ACADVL: variants seen among roughly 807,000 people sequenced by gnomAD.
ACADVL encodes the protein acyl-CoA dehydrogenase very long chain.
In ACADVL, 73 loss-of-function variants were observed where a neutral mutation model predicts 80.4. That is an observed-to-expected ratio of 0.91 (90% confidence interval 0.75 to 1.10). ACADVL has a LOEUF of 1.10. Ranked by LOEUF, ACADVL falls within the 50% of genes least tolerant of loss-of-function variation. The pLI, the probability that ACADVL is intolerant of heterozygous loss-of-function variation, is 0.00. For synonymous variants in ACADVL, 392 were observed against 326.5 expected (o/e 1.20, Z -2.16); for missense variants, 878 against 858.9 (o/e 1.02, Z -0.28).
upstream of ACADVL, chr17:7,218,784 CCA>C: frequency 6.2e-7 from 1 of 1,612,092 alleles, no homozygotes; most frequent in Non-Finnish European, 8.5e-7. Flanking sequence ...CCCCAGCCCC[CCA>C]CTTCGCTCCC....
upstream of ACADVL, chr17:7,218,262 C>T: frequency 6.2e-7 from 1 of 1,609,836 alleles, no homozygotes; most frequent in South Asian, 1.1e-5. Flanking sequence ...AGAGGGAAGC[C>T]TCATAATAGT....
At chr17:7,224,775 C>A in intron 18 of ACADVL, 34 bp from the exon 19 acceptor site, 1 of 1,613,848 alleles carries the variant, frequency 6.2e-7, no homozygotes, top group Non-Finnish European at 8.5e-7. Flanking sequence ...TCCCAGCCGG[C>A]CCAGATTTAT....
chr17:7,219,782 C>T (rs945354338), upstream of ACADVL: 5 of 1,496,886 alleles, frequency 3.3e-6, no homozygotes, highest in African/African-American at 4.2e-5. Context: ...AGACGAGGGA[C>T]GCTTGGAGAT....
intron 6 of ACADVL, 179 bp downstream of exon 6, chr17:7,221,237 T>C: frequency 8.8e-7 from 1 of 1,134,986 alleles, no homozygotes; most frequent in Non-Finnish European, 1.2e-6. Flanking sequence ...CCCCTAGGCC[T>C]GAGCCATGGG....
At chr17:7,219,354 G>T, upstream of ACADVL, 1 of 985,950 alleles carries the variant, frequency 1.0e-6, no homozygotes, top group Non-Finnish European at 1.2e-6. Flanking sequence ...GTTCAGGAAG[G>T]TCTCAGAGGC....
chr17:7,222,337 A>T, intron 9 of ACADVL, 35 bp downstream of exon 9: 2 of 1,609,228 alleles, frequency 1.2e-6, no homozygotes, highest in Non-Finnish European at 1.7e-6. Flanking sequence ...CTTAGGACTG[A>T]GGGGCAGGAC....
chr17:7,225,210 T>C lies in ACADVL; in HGVS notation c.*113T>C, dbSNP rs1349352012. On this transcript the variant is annotated 3_prime_UTR_variant, in exon 20 of 20. Coordinates refer to ENST00000356839, the MANE Select transcript of ACADVL (RefSeq NM_000018.4). ...AAGGGGCCTAGTGTTCCCAGCACTGTGCCTGCTCTCAAGAGCACTTACTGC... is the reference window on the plus strand; with the variant it reads ...AAGGGGCCTAGTGTTCCCAGCACTGCGCCTGCTCTCAAGAGCACTTACTGC... 1.6e-5 allele frequency: 24 copies of C among 1,461,618 alleles called. No homozygotes were observed. Among genetic ancestry groups the C allele is most frequent in the Non-Finnish European group, 2.3e-5 (24 of 1,055,480 alleles). 90.5% of individuals were successfully genotyped at this position (1,461,618 alleles called of 1,614,324 possible).
Position 7,221,552 on chromosome 17 carries a change from G to A in ACADVL, c.492G>A (p.Val164=). 1 of 1,614,166 alleles carries A rather than the reference G, an allele frequency of 6.2e-7. No individual in the cohort carries two copies. The highest frequency in any genetic ancestry group is 8.5e-7 in the Non-Finnish European group (1 of 1,180,038). The change falls in exon 7 of 20, where the codon GTG becomes GTA. Residue 164 remains valine, a synonymous_variant. Coordinates refer to ENST00000356839, the MANE Select transcript of ACADVL (RefSeq NM_000018.4). Reference sequence around the variant, plus strand: ...TTCCCCTCCAGTACGCCCGTTTGGTGGAGATCGTGGGCATGCATGACCTTG... The same window carrying A: ...TTCCCCTCCAGTACGCCCGTTTGGTAGAGATCGTGGGCATGCATGACCTTG... ...GLCNTQYARL[V]EIVGMHDLGV...
Position 7,224,161 on chromosome 17 carries a change from C to G in ACADVL, c.1450C>G (p.Leu484Val). 6.2e-7 allele frequency: 1 copy of G among 1,614,132 alleles called. No homozygotes were observed. The highest frequency in any genetic ancestry group is 8.5e-7 in the Non-Finnish European group (1 of 1,180,026). ...TCCCCCATAGGACAAAGGAAAGGAGCTCTCTGGGCTTGGCAGTGCTCTAAA... is the reference window on the plus strand; with the variant it reads ...TCCCCCATAGGACAAAGGAAAGGAGGTCTCTGGGCTTGGCAGTGCTCTAAA... ...LQGCMDKGKELSGLGSALKNP... is the reference protein window; with the variant it reads ...LQGCMDKGKEVSGLGSALKNP... Residue 484 changes from leucine (L) to valine (V), a missense_variant, in exon 15 of 20, where the codon CTC (leucine) becomes GTC (valine). By Grantham distance (32) the Leu-to-Val change is conservative (BLOSUM62 1). Transcript: ENST00000356839.
At chr17:7,218,378 A>C, upstream of ACADVL, 5 of 1,430,510 alleles carry the variant, frequency 3.5e-6, no homozygotes, top group Admixed American at 9.8e-5. Context: ...GCAAGGGAGG[A>C]GCCCTTTCAG....
upstream of ACADVL, chr17:7,218,595 A>G: frequency 2.6e-6 from 4 of 1,566,712 alleles, no homozygotes; most frequent in Non-Finnish European, 3.5e-6. Flanking sequence ...GGGGGTGCCC[A>G]CCGCAGCAGT....
At chr17:7,221,422 CTG>C (rs2071213003) in intron 6 of ACADVL, 114 bp from the exon 7 acceptor site, 1 of 280,622 alleles carries the variant, frequency 3.6e-6, no homozygotes, top group African/African-American at 4.3e-4. Context: ...AGGTCAGGCA[CTG>C]CCCTAGGTCA....
upstream of ACADVL, chr17:7,218,545 C>T: frequency 1.3e-6 from 2 of 1,559,396 alleles, no homozygotes; most frequent in Non-Finnish European, 1.7e-6. Flanking sequence ...ACTCACCCAG[C>T]AAGGCCTGGA....
In ACADVL at chr17:7,221,637, G is replaced by C. The variant is rs763630981; in HGVS notation, c.577G>C (p.Gly193Arg). Residue 193 changes from glycine to arginine, a missense_variant, in exon 7 of 20, where the codon GGC becomes CGC. Coordinates refer to ENST00000356839, the MANE Select transcript of ACADVL (RefSeq NM_000018.4). The stretch of plus-strand genomic sequence containing the variant: ...CGGTTTCAAAGGCATCCTGCTCTTT[G>C]GCACAAAGGCCCAGAAAGAAAAATA... The part of the protein sequence containing the change: ...SIGFKGILLF[G>R]TKAQKEKYLP... 2.5e-6 allele frequency: 4 copies of C among 1,613,910 alleles called. No individual in the cohort carries two copies. The highest frequency in any genetic ancestry group is 3.3e-5 in the Admixed American group (2 of 60,006).
At chr17:7,219,659 A>C, upstream of ACADVL, 3 of 1,285,884 alleles carry the variant, frequency 2.3e-6, no homozygotes, top group Non-Finnish European at 2.0e-6. Flanking sequence ...GTCCACCTCC[A>C]TCCCTCTGGC....
Position 7,220,504 on chromosome 17 carries a change from T to G in ACADVL, c.179T>G (p.Leu60Arg), listed in dbSNP as rs1405660468. The stretch of plus-strand genomic sequence containing the variant: ...TCAGATTCCCACCCCTCTGACGCTC[T>G]GACCAGGAAAAAACCGGCCAAGGCG... ...DKSDSHPSDA[L>R]TRKKPAKAES... The change falls in exon 3 of 20, where the codon CTG (leucine) becomes CGG (arginine). Residue 60 changes from leucine (L) to arginine (R), a missense_variant. Physicochemically the swap from Leu to Arg is moderately radical, Grantham distance 102. Coordinates refer to ENST00000356839, the MANE Select transcript of ACADVL (RefSeq NM_000018.4). 1.9e-6 allele frequency: 3 copies of G among 1,614,086 alleles called. No homozygotes were observed. Among genetic ancestry groups the G allele is most frequent in the Non-Finnish European group, 2.5e-6 (3 of 1,180,030 alleles).
chr17:7,217,561 TG>T (rs1268365527), upstream of ACADVL: 25 of 70,850 alleles, frequency 3.5e-4, no homozygotes, highest in South Asian at 6.9e-4. Context: ...GGGAGTGGGG[TG>T]GGGGGGTTGG....
At chr17:7,219,881 G>A, upstream of ACADVL, 2 of 1,542,086 alleles carry the variant, frequency 1.3e-6, no homozygotes, top group East Asian at 2.4e-5. Flanking sequence ...GCCGCCCGGT[G>A]CACTGTGGAC....
At position 7,224,002 on chromosome 17, in the gene ACADVL, G is replaced by A. The variant is rs794727112; in HGVS notation, c.1367G>A (p.Arg456His). 21 of 1,613,784 alleles carry A rather than the reference G, an allele frequency of 1.3e-5. No individual in the cohort carries two copies. The highest frequency in any genetic ancestry group is 1.6e-4 in the Middle Eastern group (1 of 6,062). ...GTAGAGCGTGTGCTCCGAGATCTTCGCATCTTCCGGATCTTTGAGGGGACA... is the reference window on the plus strand; with the variant it reads ...GTAGAGCGTGTGCTCCGAGATCTTCACATCTTCCGGATCTTTGAGGGGACA... ...PGVERVLRDL[R>H]IFRIFEGTND... The change falls in exon 14 of 20, where the codon CGC becomes CAC. Residue 456 changes from arginine to histidine, a missense_variant. By Grantham distance (29) the Arg-to-His change is conservative. Coordinates refer to ENST00000356839, the MANE Select transcript of ACADVL (RefSeq NM_000018.4).
Sources: gnomAD v4.1 joint callset for allele counts on GRCh38, gnomAD v4.1.1 for gene constraint, MANE v1.5 for transcripts, NCBI Gene and HGNC (gene_info 2026-07-23, HGNC 2026-07-21) for gene names.